The following KCNH7 variants were observed in gnomAD, a reference collection of about 807,000 sequenced individuals.
The protein encoded by KCNH7 is voltage-gated inwardly rectifying potassium channel KCNH7.
In KCNH7, 49 loss-of-function variants were observed where a neutral mutation model predicts 120.8. The observed-to-expected ratio is 0.41, with a 90% CI of 0.32 to 0.51. KCNH7 has a LOEUF of 0.51. Ranked by LOEUF, KCNH7 falls within the 20% of genes least tolerant of loss-of-function variation. The probability of loss-of-function intolerance (pLI) is 0.38; values close to 1 mark genes in which losing one functional copy is unlikely to be tolerated. For synonymous variants in KCNH7, 547 were observed against 516.1 expected (o/e 1.06, Z -0.81); for missense variants, 1,097 against 1,446.6 (o/e 0.76, Z 3.92).
chr2:162,592,165 T>G (rs11895826), intron 2 of KCNH7, among the ~76,000 whole-genome samples: 6,697 of 152,124 alleles, frequency 0.044, 303 homozygotes, highest in East Asian at 0.11. Context: ...TCCCACAGCT[T>G]AAAGGTTACT....
At chr2:162,553,179 G>A (rs895545899) in intron 2 of KCNH7, among the ~76,000 whole-genome samples, 78 of 152,296 alleles carry the variant, frequency 5.1e-4, no homozygotes, top group African/African-American at 1.8e-3. Context: ...TACAGTGTAC[G>A]GAAATTGAGT....
At chr2:162,755,511 A>G (rs1328861067) in intron 2 of KCNH7, among the ~76,000 whole-genome samples, 1 of 151,978 alleles carries the variant, frequency 6.6e-6, no homozygotes, top group Non-Finnish European at 1.5e-5. Context: ...AAAGTTTACC[A>G]ATTTTCTTTA....
rs777121065 is a variant in KCNH7, at chr2:162,504,551, T to G, written c.1020A>C (p.Ser340=). The G allele has an allele frequency of 6.2e-7, 1 of 1,612,816 alleles. No homozygotes were observed. The highest frequency in any genetic ancestry group is 1.1e-5 in the South Asian group (1 of 91,056). ...NKIPQLTLNF[S]EVKTEKKNSS... ...AATTCTTTTTCTCAGTTTTGACCTC[T>G]GAAAAATTCAGAGTGAGCTGTGGAA... is the stretch of plus-strand genomic sequence containing the variant. Residue 340 remains serine, a synonymous_variant, in exon 6 of 16, where the codon TCA becomes TCC. Transcript: ENST00000332142.
intron 2 of KCNH7, among the ~76,000 whole-genome samples, chr2:162,759,514 G>T (rs1688897831): frequency 6.6e-6 from 1 of 152,032 alleles, no homozygotes; most frequent in Admixed American, 6.6e-5. Context: ...CTTGAACAAT[G>T]TAAGTCCTGG....
chr2:162,730,159 TG>T (rs1265494004), intron 2 of KCNH7, among the ~76,000 whole-genome samples: 1 of 149,316 alleles, frequency 6.7e-6, no homozygotes, highest in East Asian at 2.0e-4. Flanking sequence ...TGAAAAAAGA[TG>T]AAAAATATGA....
chr2:162,530,855 A>G (rs758098259), intron 3 of KCNH7, among the ~76,000 whole-genome samples: 33 of 152,134 alleles, frequency 2.2e-4, no homozygotes, highest in South Asian at 1.4e-3. Context: ...GAGAAAAAAT[A>G]TGAAGTCGAA....
chr2:162,681,424 C>T (rs564158517), intron 2 of KCNH7, among the ~76,000 whole-genome samples: 14 of 151,720 alleles, frequency 9.2e-5, no homozygotes, highest in South Asian at 8.3e-4. Context: ...GATGATTACA[C>T]GAGGTGTTCA....
chr2:162,762,151 C>T (rs1296448726), intron 2 of KCNH7, among the ~76,000 whole-genome samples: 1 of 151,960 alleles, frequency 6.6e-6, no homozygotes, highest in Non-Finnish European at 1.5e-5. Context: ...TCTCCAACTA[C>T]TCATTTTATT....
chr2:162,544,936 G>A (rs1035907654), intron 2 of KCNH7, among the ~76,000 whole-genome samples: 4 of 152,012 alleles, frequency 2.6e-5, no homozygotes, highest in Non-Finnish European at 4.4e-5. Context: ...TCCCTGGATC[G>A]CTACATATTA....
chr2:162,519,022 C>T (rs955969465), intron 3 of KCNH7, among the ~76,000 whole-genome samples: 1 of 151,572 alleles, frequency 6.6e-6, no homozygotes, highest in Non-Finnish European at 1.5e-5. Context: ...CAAAGTAATA[C>T]AAGAGGATAT....
intron 2 of KCNH7, among the ~76,000 whole-genome samples, chr2:162,675,590 C>G (rs1324464998): frequency 6.6e-5 from 10 of 151,334 alleles, no homozygotes; most frequent in Non-Finnish European, 1.5e-4. Context: ...AATCTTAGAG[C>G]AGTCATTTGA....
intron 2 of KCNH7, among the ~76,000 whole-genome samples, chr2:162,537,913 C>T (rs931763903): frequency 1.3e-5 from 2 of 152,092 alleles, no homozygotes; most frequent in Non-Finnish European, 2.9e-5. Flanking sequence ...TTTAAATCAA[C>T]TGACTGCTGA....
At chr2:162,703,530 G>T (rs1037746275) in intron 2 of KCNH7, among the ~76,000 whole-genome samples, 1 of 152,128 alleles carries the variant, frequency 6.6e-6, no homozygotes, top group Non-Finnish European at 1.5e-5. Context: ...TGTATGAAAT[G>T]TCTATTATTT....
At chr2:162,794,741 A>C (rs1307505672) in intron 2 of KCNH7, among the ~76,000 whole-genome samples, 1 of 152,074 alleles carries the variant, frequency 6.6e-6, no homozygotes, top group African/African-American at 2.4e-5. Flanking sequence ...TTTTTATTGT[A>C]TAATTTATGC....
At chr2:162,396,646 C>T (rs1686919368) in intron 11 of KCNH7, 94 bp downstream of exon 11, 4 of 845,914 alleles carry the variant, frequency 4.7e-6, no homozygotes, top group South Asian at 1.8e-5. Flanking sequence ...AGTCTTGCTG[C>T]AATATTTTGC....
chr2:162,666,077 C>T (rs1327522237), intron 2 of KCNH7, among the ~76,000 whole-genome samples: 1 of 152,090 alleles, frequency 6.6e-6, no homozygotes, highest in Non-Finnish European at 1.5e-5. Flanking sequence ...CAAGGACATC[C>T]TTTCATGAAA....
chr2:162,498,365 G>A (rs1279719377), intron 6 of KCNH7, among the ~76,000 whole-genome samples: 2 of 148,038 alleles, frequency 1.4e-5, no homozygotes, highest in Admixed American at 7.2e-5. Context: ...ATTAGCATGT[G>A]TAAATGCTAT....
intron 2 of KCNH7, among the ~76,000 whole-genome samples, chr2:162,675,483 T>C (rs1685503634): frequency 6.6e-6 from 1 of 151,530 alleles, no homozygotes; most frequent in Non-Finnish European, 1.5e-5. Context: ...AAATGTATAT[T>C]AAAGAATATT....
intron 2 of KCNH7, among the ~76,000 whole-genome samples, chr2:162,790,669 C>T (rs1007804963): frequency 5.9e-5 from 9 of 152,008 alleles, no homozygotes; most frequent in Admixed American, 4.6e-4. Context: ...GAGGAAAGGA[C>T]GGCTCAACAT....
Sources: gnomAD v4.1 joint callset for allele counts (sites outside exome capture counted in the v4.1 genomes callset) on GRCh38, gnomAD v4.1.1 for gene constraint, MANE v1.5 for transcripts, NCBI Gene and HGNC (gene_info 2026-07-23, HGNC 2026-07-21) for gene names.